The following NARS2 variants were observed in gnomAD, a reference collection of about 807,000 sequenced individuals.
NARS2 encodes the protein asparaginyl-tRNA synthetase.
Under a neutral mutation model 62.9 loss-of-function variants are expected in NARS2, and 60 were observed. The ratio of observed to expected loss-of-function variants is 0.95; its 90% CI spans 0.77 to 1.18. NARS2 has a LOEUF of 1.18. Among genes scored for constraint, NARS2 ranks in the 50% most tolerant of loss-of-function variants. The pLI is 0.00. For missense variants in NARS2, 619 were observed against 576.4 expected, an observed-to-expected ratio of 1.07 and a Z score of -0.76; for synonymous variants, 196 against 200.0, an observed-to-expected ratio of 0.98 and a Z score of 0.17.
At chr11:78,508,258 G>A (rs919020257) in intron 6 of NARS2, among the ~76,000 whole-genome samples, 1 of 152,128 alleles carries the variant, frequency 6.6e-6, no homozygotes, top group African/African-American at 2.4e-5. Context: ...ACCACAACAC[G>A]ACCCAACATA....
At chr11:78,447,176 T>C (rs1241596427) in intron 11 of NARS2, among the ~76,000 whole-genome samples, 6 of 152,000 alleles carry the variant, frequency 3.9e-5, no homozygotes, top group Non-Finnish European at 7.4e-5. Flanking sequence ...TGTTTTTTTT[T>C]TTCTTCCTAC....
At position 78,515,244 on chromosome 11, in the gene NARS2, C is replaced by T. The variant is rs947314323; in HGVS notation, c.689+13598G>A. Among the ~76,000 whole-genome samples the T allele has an allele frequency of 3.3e-5, 5 of 152,268 alleles. No individual in the cohort carries two copies. The South Asian group carries it at 1.0e-3, about 32-fold the overall frequency. On this transcript the variant is annotated intron_variant, in intron 6 of 13. Coordinates refer to ENST00000281038, the MANE Select transcript of NARS2 (RefSeq NM_024678.6). ...ACCCACCCATCAGCATAGCTAGAAG[C>T]CAGATGTCCTCACCACTCAGGGAAC...
intron 5 of NARS2, among the ~76,000 whole-genome samples, chr11:78,558,932 A>G (rs1350242855): frequency 6.6e-6 from 1 of 152,180 alleles, no homozygotes; most frequent in Non-Finnish European, 1.5e-5. Context: ...AGAGCTTAAA[A>G]TCCTCATTTG....
chr11:78,563,763 G>A (rs1489954498), intron 4 of NARS2, among the ~76,000 whole-genome samples: 73 of 140,272 alleles, frequency 5.2e-4, no homozygotes, highest in African/African-American at 1.6e-3. Flanking sequence ...CCCAGGAGGC[G>A]GAGGTTGCAG....
intron 6 of NARS2, among the ~76,000 whole-genome samples, chr11:78,526,614 C>T (rs1433708443): frequency 6.6e-6 from 1 of 152,138 alleles, no homozygotes; most frequent in Non-Finnish European, 1.5e-5. Context: ...ACAAATACTT[C>T]ATGGCACACT....
At chr11:78,454,772 C>T (rs1158123544) in intron 11 of NARS2, among the ~76,000 whole-genome samples, 3 of 152,072 alleles carry the variant, frequency 2.0e-5, no homozygotes, top group Non-Finnish European at 4.4e-5. Flanking sequence ...GCACCTGCCA[C>T]TACGCTCAGC....
chr11:78,498,320 C>A (rs7933612), intron 6 of NARS2, among the ~76,000 whole-genome samples: 114,270 of 151,992 alleles, frequency 0.75, 43,379 homozygotes, highest in Non-Finnish European at 0.81. Flanking sequence ...GTACTGTCCT[C>A]GTTTTCCTTC....
chr11:78,529,339 T>C (rs929274946), intron 5 of NARS2, among the ~76,000 whole-genome samples: 3 of 152,230 alleles, frequency 2.0e-5, no homozygotes, highest in African/African-American at 7.2e-5. Flanking sequence ...CTCTGGAACA[T>C]GCGAGGTCAT....
intron 5 of NARS2, among the ~76,000 whole-genome samples, chr11:78,539,862 G>A (rs992920353): frequency 2.0e-5 from 3 of 152,094 alleles, no homozygotes; most frequent in Non-Finnish European, 2.9e-5. Flanking sequence ...CATTCATATA[G>A]TCTATCAACA....
At chr11:78,502,081 A>G (rs1157404514) in intron 6 of NARS2, among the ~76,000 whole-genome samples, 1 of 152,236 alleles carries the variant, frequency 6.6e-6, no homozygotes, top group Non-Finnish European at 1.5e-5. Context: ...AAGGCCACAT[A>G]CTATATGATT....
chr11:78,441,851 T>C (rs1857586034), intron 12 of NARS2, among the ~76,000 whole-genome samples: 1 of 152,246 alleles, frequency 6.6e-6, no homozygotes, highest in Admixed American at 6.5e-5. Context: ...GCCTTCATAA[T>C]ATGGTTGCAC....
intron 5 of NARS2, among the ~76,000 whole-genome samples, chr11:78,531,426 G>A (rs187936269): frequency 5.9e-5 from 9 of 152,080 alleles, no homozygotes; most frequent in Admixed American, 2.6e-4. Context: ...AAGGGGTTGC[G>A]GTTACTAGGG....
chr11:78,470,053 C>A (rs566982560), intron 9 of NARS2, among the ~76,000 whole-genome samples: 92 of 152,088 alleles, frequency 6.0e-4, no homozygotes, highest in African/African-American at 2.2e-3. Context: ...GTTCACAGAA[C>A]AAAAAGGGCA....
At position 78,495,823 on chromosome 11, in the gene NARS2, G is replaced by A. The variant is rs187506507; in HGVS notation, c.690-2628C>T. Among the ~76,000 whole-genome samples the A allele has an allele frequency of 4.3e-3, 648 of 152,272 alleles. 21 individuals carry two copies. The highest frequency in any genetic ancestry group is 0.034 in the Admixed American group (516 of 15,298). On this transcript the variant is annotated intron_variant, in intron 6 of 13. Transcript: ENST00000281038. ...CTGTGACTGTGCCATCTCTAGGTAG[G>A]TTGGCAATAGTACAGTACATCTAAA...
At chr11:78,496,204 A>T (rs577065489) in intron 6 of NARS2, among the ~76,000 whole-genome samples, 114 of 152,310 alleles carry the variant, frequency 7.5e-4, no homozygotes, top group African/African-American at 2.4e-3. Flanking sequence ...AAGCAGATGA[A>T]TGTTTAAATA....
chr11:78,552,097 T>C (rs1011937528), intron 5 of NARS2, among the ~76,000 whole-genome samples: 6 of 152,164 alleles, frequency 3.9e-5, no homozygotes, highest in Non-Finnish European at 8.8e-5. Context: ...AACCCAGGTA[T>C]TAAGCTCAGT....
At chr11:78,504,761 A>T (rs1860424220) in intron 6 of NARS2, among the ~76,000 whole-genome samples, 1 of 152,214 alleles carries the variant, frequency 6.6e-6, no homozygotes, top group Admixed American at 6.5e-5. Flanking sequence ...CCTAAAAACA[A>T]GCAAATATAA....
chr11:78,485,051 C>G lies in NARS2; in HGVS notation c.823-6368G>C, dbSNP rs561744503. ...ACTGTATGCACCATGGAATACCATG[C>G]AGCCATAAAAAGAATGAGTTCGTGT... On this transcript the variant is annotated intron_variant, in intron 7 of 13. Coordinates refer to ENST00000281038, the MANE Select transcript of NARS2 (RefSeq NM_024678.6). Among the ~76,000 whole-genome samples, 146 of 152,316 alleles carry G rather than the reference C, an allele frequency of 9.6e-4. 1 individual carries two copies. The highest frequency in any genetic ancestry group is 6.8e-3 in the Middle Eastern group (2 of 294).
At chr11:78,447,907 A>G (rs1857819620) in intron 11 of NARS2, among the ~76,000 whole-genome samples, 1 of 152,202 alleles carries the variant, frequency 6.6e-6, no homozygotes, top group South Asian at 2.1e-4. Context: ...GGACAGAGGA[A>G]TGGGAGACAG....
Sources: allele counts gnomAD v4.1 joint callset (sites outside exome capture counted in the v4.1 genomes callset), GRCh38; gene constraint gnomAD v4.1.1; transcripts MANE v1.5; gene names NCBI Gene and HGNC (gene_info 2026-07-23, HGNC 2026-07-21).